The following ABL2 variants were observed in gnomAD, a reference collection of about 807,000 sequenced individuals.
ABL2 encodes the protein ABL proto-oncogene 2, non-receptor tyrosine kinase.
ABL2 carries 49 observed loss-of-function variants against 107.7 expected under a neutral mutation model. The ratio of observed to expected loss-of-function variants is 0.45; its 90% confidence interval spans 0.36 to 0.58. ABL2 has a LOEUF of 0.58. ABL2 is among the 20% of genes least tolerant of loss of function. ABL2 has a pLI of 0.00. For missense variants in ABL2, 1,245 were observed against 1,457.0 expected, an observed-to-expected ratio of 0.85 and a Z score of 2.37; for synonymous variants, 549 against 548.6, an observed-to-expected ratio of 1.00 and a Z score of -0.01.
chr1:179,180,323 A>G (rs1164069862), intron 1 of ABL2, among the ~76,000 whole-genome samples: 1 of 151,944 alleles, frequency 6.6e-6, no homozygotes, highest in Non-Finnish European at 1.5e-5. Flanking sequence ...TAAGAAATCA[A>G]TAAAAGCTGG....
chr1:179,208,903 T>A (rs1223217762), intron 1 of ABL2, among the ~76,000 whole-genome samples: 2 of 152,178 alleles, frequency 1.3e-5, no homozygotes, highest in Non-Finnish European at 2.9e-5. Flanking sequence ...TGAGATAAAG[T>A]TTACAGAAAT....
chr1:179,122,670 T>A (rs1171146460), intron 4 of ABL2, among the ~76,000 whole-genome samples: 1 of 152,114 alleles, frequency 6.6e-6, no homozygotes, highest in East Asian at 1.9e-4. Flanking sequence ...TTTCTTTTTT[T>A]TGAGACAGAG....
chr1:179,130,727 TG>T (rs1360932362), intron 3 of ABL2, among the ~76,000 whole-genome samples: 6 of 28,280 alleles, frequency 2.1e-4, no homozygotes, highest in African/African-American at 1.9e-3. Flanking sequence ...TTATTGATTT[TG>T]TGTGTGTGTG....
intron 1 of ABL2, among the ~76,000 whole-genome samples, chr1:179,223,492 G>A (rs1663000734): frequency 6.6e-6 from 1 of 151,174 alleles, no homozygotes; most frequent in Admixed American, 6.6e-5. Flanking sequence ...AGAAACTTCA[G>A]ACTTCATCAC....
intron 1 of ABL2, among the ~76,000 whole-genome samples, chr1:179,223,503 T>C (rs1248231811): frequency 6.6e-6 from 1 of 151,922 alleles, no homozygotes; most frequent in Non-Finnish European, 1.5e-5. Context: ...ACTTCATCAC[T>C]TTACTTGGAA....
rs146577858 is a variant in ABL2 at position 179,127,823 on chromosome 1, G to C, written c.392-1151C>G. Among the ~76,000 whole-genome samples, 768 of 152,180 alleles carry C rather than the reference G, an allele frequency of 5.0e-3. 23 individuals carry two copies. Among genetic ancestry groups the C allele is most frequent in the Admixed American group, 0.046 (706 of 15,290 alleles). ...GAGAGGGGCGGATCACCTAAGGTCA[G>C]GAGTTCAAAACCAGCCTGGCCAACA... is the stretch of plus-strand genomic sequence containing the variant. On this transcript the variant is annotated intron_variant, in intron 3 of 11. Coordinates refer to ENST00000502732, the MANE Select transcript of ABL2 (RefSeq NM_007314.4).
intron 1 of ABL2, among the ~76,000 whole-genome samples, chr1:179,222,903 G>T (rs1245737301): frequency 6.6e-6 from 1 of 151,838 alleles, no homozygotes; most frequent in Non-Finnish European, 1.5e-5. Flanking sequence ...TTGAGGCCAG[G>T]AGTTCGAGAC....
At chr1:179,120,350 A>C in intron 5 of ABL2, 76 bp from the exon 6 acceptor site, 1 of 844,344 alleles carries the variant, frequency 1.2e-6, no homozygotes, top group Non-Finnish European at 1.9e-6. Flanking sequence ...CATTCATCTC[A>C]CAATCATAAA....
intron 1 of ABL2, among the ~76,000 whole-genome samples, chr1:179,161,957 C>T (rs1659093151): frequency 6.6e-6 from 1 of 152,142 alleles, no homozygotes; most frequent in Non-Finnish European, 1.5e-5. Context: ...TCTCTTTGCC[C>T]TTCCACCAGG....
chr1:179,170,853 C>T (rs1227832131), intron 1 of ABL2, among the ~76,000 whole-genome samples: 3 of 152,024 alleles, frequency 2.0e-5, no homozygotes, highest in Admixed American at 2.0e-4. Flanking sequence ...CCTCGGCCTC[C>T]CAAAATGCTG....
chr1:179,180,897 A>AC (rs748355448), intron 1 of ABL2, among the ~76,000 whole-genome samples: 1 of 152,200 alleles, frequency 6.6e-6, no homozygotes, highest in Non-Finnish European at 1.5e-5. Context: ...TCCGCCCCCT[A>AC]CCACAAAGCT....
At chr1:179,125,564 T>C (rs1655657075) in intron 4 of ABL2, among the ~76,000 whole-genome samples, 1 of 152,234 alleles carries the variant, frequency 6.6e-6, no homozygotes, top group African/African-American at 2.4e-5. Flanking sequence ...GTCTGTATGC[T>C]GGTGCAAAAG....
At chr1:179,215,624 G>C (rs1242597876) in intron 1 of ABL2, among the ~76,000 whole-genome samples, 2 of 151,948 alleles carry the variant, frequency 1.3e-5, no homozygotes, top group Admixed American at 6.6e-5. Context: ...CTACTCAGGA[G>C]GCAGAGGTTG....
chr1:179,188,227 T>C (rs186972236), intron 1 of ABL2, among the ~76,000 whole-genome samples: 1 of 152,278 alleles, frequency 6.6e-6, no homozygotes, highest in Non-Finnish European at 1.5e-5. Flanking sequence ...CATCAGAGGC[T>C]TTCCCCAGCC....
intron 1 of ABL2, among the ~76,000 whole-genome samples, chr1:179,143,757 C>T (rs969115781): frequency 2.2e-4 from 34 of 152,194 alleles, no homozygotes; most frequent in African/African-American, 7.7e-4. Context: ...AAGGCAGTGG[C>T]GCGATCTCGG....
chr1:179,168,022 C>T (rs1659496233), intron 1 of ABL2, among the ~76,000 whole-genome samples: 1 of 152,118 alleles, frequency 6.6e-6, no homozygotes, highest in African/African-American at 2.4e-5. Context: ...AAGAGAAATA[C>T]AAATCCAAAT....
At chr1:179,171,780 G>C (rs1018206978) in intron 1 of ABL2, among the ~76,000 whole-genome samples, 6 of 152,080 alleles carry the variant, frequency 3.9e-5, no homozygotes, top group African/African-American at 1.4e-4. Context: ...CCCAGTGCTG[G>C]GATTACAGAC....
intron 1 of ABL2, among the ~76,000 whole-genome samples, chr1:179,225,220 C>A (rs1444746758): frequency 6.6e-6 from 1 of 152,054 alleles, no homozygotes; most frequent in African/African-American, 2.4e-5. Flanking sequence ...AAAAAATGAC[C>A]ATTTTAGCTA....
intron 4 of ABL2, among the ~76,000 whole-genome samples, chr1:179,123,140 A>G (rs1655386908): frequency 6.6e-6 from 1 of 152,212 alleles, no homozygotes; most frequent in African/African-American, 2.4e-5. Context: ...TTTTTTGGTA[A>G]GAGTATTCAA....
Sources: gnomAD v4.1 joint callset for allele counts (sites outside exome capture counted in the v4.1 genomes callset) on GRCh38, gnomAD v4.1.1 for gene constraint, MANE v1.5 for transcripts, NCBI Gene and HGNC (gene_info 2026-07-23, HGNC 2026-07-21) for gene names.